Variants in NCKAP5 observed in about 807,000 individuals in gnomAD.
The protein encoded by NCKAP5 is nck-associated protein 5.
A neutral mutation model predicts 167.0 loss-of-function variants in NCKAP5; 92 were observed. The ratio of observed to expected loss-of-function variants is 0.55; its 90% CI spans 0.47 to 0.66. The LOEUF is 0.66. Ranked by LOEUF, NCKAP5 falls within the 30% of genes least tolerant of loss-of-function variation. The pLI, the probability that NCKAP5 is intolerant of heterozygous loss-of-function variation, is 0.00. For missense variants in NCKAP5, 2,378 were observed against 2,315.0 expected (o/e 1.03, Z -0.56); for synonymous variants, 891 against 877.4 (o/e 1.02, Z -0.27).
the NCKAP5 span, among the ~76,000 whole-genome samples, chr2:133,617,442 A>C: frequency 0.036 from 5,332 of 147,226 alleles, 291 homozygotes; most frequent in East Asian, 0.22. Context: ...GCTGATAAGC[A>C]ACTTCAGCAA....
chr2:133,665,099 C>T, the NCKAP5 span, among the ~76,000 whole-genome samples: 673 of 152,340 alleles, frequency 4.4e-3, 11 homozygotes, highest in African/African-American at 0.016. Flanking sequence ...ACCACTAAAA[C>T]TTTCTCCATA....
chr2:133,642,267 C>G, the NCKAP5 span, among the ~76,000 whole-genome samples: 412 of 152,212 alleles, frequency 2.7e-3, 3 homozygotes, highest in African/African-American at 8.1e-3. Context: ...GACACAAACA[C>G]CCCCCAGTAG....
chr2:133,200,061 CTTTTTTTTT>C (rs70973417), intron 5 of NCKAP5, among the ~76,000 whole-genome samples: 1 of 109,396 alleles, frequency 9.1e-6, no homozygotes, highest in African/African-American at 3.4e-5. Flanking sequence ...TTTTTTCTTT[CTTTTTTTTT>C]TTTTTTTTTG....
intron 11 of NCKAP5, among the ~76,000 whole-genome samples, chr2:132,837,310 G>A (rs974402577): frequency 9.9e-5 from 15 of 151,854 alleles, no homozygotes; most frequent in African/African-American, 3.6e-4. Context: ...TACTTATTTC[G>A]CAATTATCTT....
At chr2:133,245,949 A>G (rs1175499438) in intron 4 of NCKAP5, among the ~76,000 whole-genome samples, 1 of 151,940 alleles carries the variant, frequency 6.6e-6, no homozygotes, top group African/African-American at 2.4e-5. Context: ...GACACTAAAC[A>G]ATTATAATGC....
intron 6 of NCKAP5, among the ~76,000 whole-genome samples, chr2:133,042,833 C>G (rs1330113107): frequency 6.6e-6 from 1 of 152,126 alleles, no homozygotes; most frequent in Non-Finnish European, 1.5e-5. Flanking sequence ...GGTCTTTTCT[C>G]TCTATTTCAT....
At chr2:133,639,223 G>A in the NCKAP5 span, among the ~76,000 whole-genome samples, 1 of 152,258 alleles carries the variant, frequency 6.6e-6, no homozygotes, top group South Asian at 2.1e-4. Flanking sequence ...ACTGGTGGGA[G>A]TATAAACTGA....
chr2:132,868,899 A>G (rs1227405123), intron 10 of NCKAP5, 37 bp downstream of exon 10: 1 of 1,503,222 alleles, frequency 6.7e-7, no homozygotes, highest in Non-Finnish European at 9.0e-7. Flanking sequence ...TAGTCACAAA[A>G]GTGCCTTGAA....
At chr2:133,121,485 G>T (rs939080981) in intron 6 of NCKAP5, among the ~76,000 whole-genome samples, 2 of 152,140 alleles carry the variant, frequency 1.3e-5, no homozygotes, top group Non-Finnish European at 2.9e-5. Context: ...CTCCTTTCTT[G>T]ACCTAGCGTT....
At chr2:133,426,301 A>G (rs918753606) in intron 3 of NCKAP5, among the ~76,000 whole-genome samples, 10 of 152,134 alleles carry the variant, frequency 6.6e-5, no homozygotes, top group Non-Finnish European at 1.5e-4. Context: ...TTAGACATAA[A>G]TACAACAATG....
At chr2:133,180,580 C>T (rs956019557) in intron 5 of NCKAP5, among the ~76,000 whole-genome samples, 5 of 152,090 alleles carry the variant, frequency 3.3e-5, no homozygotes, top group African/African-American at 1.2e-4. Flanking sequence ...CTCAGGCCAT[C>T]CATCCGCCTT....
intron 15 of NCKAP5, among the ~76,000 whole-genome samples, chr2:132,777,026 T>C (rs1363824312): frequency 7.9e-5 from 12 of 152,228 alleles, no homozygotes; most frequent in African/African-American, 2.9e-4. Context: ...CAGTCACTGT[T>C]GCCATCCCAG....
At chr2:133,435,831 C>T (rs1160822597) in intron 3 of NCKAP5, among the ~76,000 whole-genome samples, 1 of 152,178 alleles carries the variant, frequency 6.6e-6, no homozygotes, top group Admixed American at 6.5e-5. Flanking sequence ...TCTTCTCTCA[C>T]CTGCCACTTC....
intron 8 of NCKAP5, among the ~76,000 whole-genome samples, chr2:132,927,471 C>A (rs1420082223): frequency 1.3e-5 from 2 of 151,946 alleles, no homozygotes; most frequent in East Asian, 3.9e-4. Context: ...GTCATTTTAA[C>A]AATATTAAGT....
chr2:132,867,825 C>G lies in NCKAP5; in HGVS notation c.687+1111G>C, dbSNP rs143552169. Among the ~76,000 whole-genome samples the G allele has an allele frequency of 5.8e-3, 887 of 152,246 alleles. 8 individuals carry two copies. The highest frequency in any genetic ancestry group is 7.8e-3 in the Non-Finnish European group (531 of 68,018). On this transcript the variant is annotated intron_variant, in intron 10 of 19. Coordinates refer to ENST00000409261, the MANE Select transcript of NCKAP5 (RefSeq NM_207363.3). ...TAACATTTTAGCTTATTTAACCCAC[C>G]TCATTATGGATCTCTGTTGCTCACA...
intron 8 of NCKAP5, among the ~76,000 whole-genome samples, chr2:132,892,717 T>C (rs1332769091): frequency 2.0e-5 from 3 of 152,146 alleles, no homozygotes; most frequent in African/African-American, 4.8e-5. Context: ...CTGAGGTAGA[T>C]AGGATCAGCT....
At chr2:133,215,346 AT>A (rs1254807431) in intron 4 of NCKAP5, among the ~76,000 whole-genome samples, 1 of 152,222 alleles carries the variant, frequency 6.6e-6, no homozygotes, top group Admixed American at 6.5e-5. Context: ...AAACACATGA[AT>A]TTATCTCTTC....
At chr2:132,733,350 C>A (rs766961806) in intron 16 of NCKAP5, among the ~76,000 whole-genome samples, 49 of 152,114 alleles carry the variant, frequency 3.2e-4, no homozygotes, top group Non-Finnish European at 5.6e-4. Context: ...TAATAGATTA[C>A]GACATAATGT....
At chr2:132,787,448 A>G (rs185033307) in intron 13 of NCKAP5, among the ~76,000 whole-genome samples, 102 of 152,140 alleles carry the variant, frequency 6.7e-4, no homozygotes, top group African/African-American at 2.3e-3. Context: ...TGGCTACATC[A>G]GTCTCCTCCC....
Sources: allele counts gnomAD v4.1 joint callset (sites outside exome capture counted in the v4.1 genomes callset), GRCh38; gene constraint gnomAD v4.1.1; transcripts MANE v1.5; gene names NCBI Gene and HGNC (gene_info 2026-07-23, HGNC 2026-07-21).